The following LRP12 variants were observed in gnomAD, a reference collection of about 807,000 sequenced individuals.
LRP12 encodes low-density lipoprotein receptor-related protein 12.
Under a neutral mutation model 66.0 loss-of-function variants are expected in LRP12, and 14 were observed. The observed-to-expected ratio is 0.21, with a 90% CI of 0.14 to 0.33. LRP12 has a LOEUF of 0.33. Ranked by LOEUF, LRP12 falls within the 10% of genes least tolerant of loss-of-function variation. The pLI, the probability that LRP12 is intolerant of heterozygous loss-of-function variation, is 1.00. For synonymous variants in LRP12, 357 were observed against 359.1 expected (o/e 0.99, Z 0.07); for missense variants, 889 against 1,053.4 (o/e 0.84, Z 2.16).
At chr8:104,576,949 A>G (rs909135168) in intron 1 of LRP12, among the ~76,000 whole-genome samples, 2 of 152,186 alleles carry the variant, frequency 1.3e-5, no homozygotes, top group Non-Finnish European at 2.9e-5. Flanking sequence ...AAGCAATCCT[A>G]GTTTCAGATA....
chr8:104,517,431 C>A (rs902767451), intron 2 of LRP12, among the ~76,000 whole-genome samples: 28 of 151,756 alleles, frequency 1.8e-4, no homozygotes, highest in Admixed American at 1.8e-3. Context: ...AATTTAATGA[C>A]CCAAATTCTA....
chr8:104,510,199 T>C (rs192989740), intron 2 of LRP12, among the ~76,000 whole-genome samples: 8 of 152,342 alleles, frequency 5.3e-5, no homozygotes, highest in African/African-American at 1.9e-4. Flanking sequence ...AGCCTAACAG[T>C]AAGATGCTGG....
chr8:104,582,964 T>C (rs1441434022), intron 1 of LRP12, among the ~76,000 whole-genome samples: 2 of 152,104 alleles, frequency 1.3e-5, no homozygotes, highest in African/African-American at 2.4e-5. Context: ...TAAGTACACT[T>C]GCACCAATAT....
At chr8:104,538,646 G>A (rs1811421978) in intron 1 of LRP12, among the ~76,000 whole-genome samples, 1 of 151,982 alleles carries the variant, frequency 6.6e-6, no homozygotes, top group South Asian at 2.1e-4. Flanking sequence ...ACACATCATG[G>A]GCCTCCTAAT....
intron 1 of LRP12, among the ~76,000 whole-genome samples, chr8:104,545,146 G>A (rs1811535420): frequency 6.6e-6 from 1 of 152,126 alleles, no homozygotes; most frequent in African/African-American, 2.4e-5. Context: ...AGACGTGGTG[G>A]AAATCGCAAC....
At chr8:104,546,417 T>A (rs1811557994) in intron 1 of LRP12, among the ~76,000 whole-genome samples, 1 of 152,136 alleles carries the variant, frequency 6.6e-6, no homozygotes, top group Non-Finnish European at 1.5e-5. Flanking sequence ...CTCCCACACC[T>A]TTAAAGCTGG....
Position 104,497,682 on chromosome 8 carries a change from G to A in LRP12, c.870C>T (p.Asp290=). 1 of 1,614,088 alleles carries A rather than the reference G, an allele frequency of 6.2e-7. No individual in the cohort carries two copies. The highest frequency in any genetic ancestry group is 8.5e-7 in the Non-Finnish European group (1 of 1,179,996). The change falls in exon 5 of 7, where the codon GAC becomes GAT. Residue 290 remains aspartate (D), a synonymous_variant. Coordinates refer to ENST00000276654, the MANE Select transcript of LRP12 (RefSeq NM_013437.5). The surrounding 1 kb of genome is among the most constrained non-coding windows in gnomAD (Gnocchi z 4.3). ...AAATGACTTTACGGTGATCACCAGT[G>A]TCTATTAACCAGGTGCAATTGCTTC... The part of the protein sequence containing the change: ...PPGSNCTWLI[D]TGDHRKVILR...
intron 2 of LRP12, among the ~76,000 whole-genome samples, chr8:104,509,571 T>C (rs573422909): frequency 2.6e-4 from 40 of 152,240 alleles, no homozygotes; most frequent in South Asian, 2.1e-3. Context: ...AGTGCTTGTG[T>C]TCAAGTCACC....
chr8:104,505,837 T>C (rs1355816501), intron 3 of LRP12: 1 of 152,168 alleles, frequency 6.6e-6, no homozygotes, highest in African/African-American at 2.4e-5. Context: ...TCTAACAAAG[T>C]CCAAGTAAGA....
intron 1 of LRP12, among the ~76,000 whole-genome samples, chr8:104,536,860 T>C (rs1230801956): frequency 6.6e-6 from 1 of 151,906 alleles, no homozygotes; most frequent in East Asian, 1.9e-4. Context: ...AGTAAGGTAG[T>C]AGGATATAAA....
intron 1 of LRP12, among the ~76,000 whole-genome samples, chr8:104,555,801 A>T (rs1811798148): frequency 6.6e-6 from 1 of 152,074 alleles, no homozygotes; most frequent in African/African-American, 2.4e-5. Flanking sequence ...CTATACCCTA[A>T]AACAAATGGA....
rs79075971 is a variant in LRP12, at chr8:104,502,420, G to A, written c.273-2901C>T. 6.0e-3 allele frequency among the ~76,000 whole-genome samples: 917 copies of A among 152,214 alleles called. 9 individuals carry two copies. The highest frequency in any genetic ancestry group is 0.012 in the Admixed American group (191 of 15,290). On this transcript the variant is annotated intron_variant, in intron 3 of 6. Transcript: ENST00000276654. The stretch of plus-strand genomic sequence containing the variant: ...CAATTCATGGGTCAGCTAAGGATTC[G>A]AGAATAATTTAAATGCAGTTACTTT...
chr8:104,541,757 A>C (rs113460497), intron 1 of LRP12, among the ~76,000 whole-genome samples: 47 of 152,158 alleles, frequency 3.1e-4, no homozygotes, highest in African/African-American at 1.0e-3. Flanking sequence ...GGAATCATAC[A>C]ATATGTGGTC....
At chr8:104,585,747 T>C (rs1432179811) in intron 1 of LRP12, among the ~76,000 whole-genome samples, 1 of 152,158 alleles carries the variant, frequency 6.6e-6, no homozygotes, top group African/African-American at 2.4e-5. Context: ...CGAAGCAATG[T>C]GTATTTTAAG....
chr8:104,588,964 A>ACGACGACGCCGCCGC lies in LRP12; in HGVS notation c.-68_-67insGCGGCGGCGTCGTCG, dbSNP rs548846399. ...AGGGAGGAGAAGCTGGAGGTAGACG[A>ACGACGACGCCGCCGC]CGCCGACGCCGCCGCCGCCGCCGCC... On this transcript the variant is annotated 5_prime_UTR_variant, in exon 1 of 7. Transcript: ENST00000276654. 4.4e-6 allele frequency: 4 copies of ACGACGACGCCGCCGC among 905,882 alleles called. No individual in the cohort carries two copies. In the African/African-American group the frequency reaches 1.1e-4, roughly 25 times the overall value. The allele number at this position is 905,882 out of a possible 1,614,324, so 56.1% of individuals were successfully genotyped here.
At position 104,574,465 on chromosome 8, in the gene LRP12, T is replaced by A. The variant is rs575998998; in HGVS notation, c.79+14354A>T. On this transcript the variant is annotated intron_variant, in intron 1 of 6. Transcript: ENST00000276654. ...TATTGCTGATGGCCATAGGGTTGTTTCTAGTCTGGGATTATAACCAATAAG... is the reference window on the plus strand; with the variant it reads ...TATTGCTGATGGCCATAGGGTTGTTACTAGTCTGGGATTATAACCAATAAG... Among the ~76,000 whole-genome samples, 5 of 152,336 alleles carry A rather than the reference T, an allele frequency of 3.3e-5. No individual in the cohort carries two copies. The East Asian group carries it at 9.6e-4, about 29-fold the overall frequency.
intron 1 of LRP12, among the ~76,000 whole-genome samples, chr8:104,549,695 C>T (rs1453019001): frequency 6.6e-6 from 1 of 152,196 alleles, no homozygotes; most frequent in African/African-American, 2.4e-5. Flanking sequence ...AGCCCCCGAG[C>T]CCGGCCTCCA....
chr8:104,524,961 G>A (rs1311506076), intron 2 of LRP12, among the ~76,000 whole-genome samples: 1 of 152,044 alleles, frequency 6.6e-6, no homozygotes, highest in East Asian at 1.9e-4. Flanking sequence ...GGGCCTTGTG[G>A]TAAATCAACT....
Position 104,588,987 on chromosome 8 carries a change from G to T in LRP12, c.-90C>A, listed in dbSNP as rs1422862975. ...CGACGCCGACGCCGCCGCCGCCGCC[G>T]CCGCCGCCGCCGAGCCACCGGCTGC... On this transcript the variant is annotated 5_prime_UTR_variant, in exon 1 of 7. Coordinates refer to ENST00000276654, the MANE Select transcript of LRP12 (RefSeq NM_013437.5). The T allele has an allele frequency of 3.3e-5, 28 of 859,728 alleles. No homozygotes were observed. Among genetic ancestry groups the T allele is most frequent in the Non-Finnish European group, 4.9e-5 (28 of 573,746 alleles). The allele number at this position is 859,728 out of a possible 1,614,324, so 53.3% of individuals were successfully genotyped here. A position where few individuals can be genotyped will look rare whatever the true frequency, so the allele number is the denominator to read the frequency against.
Sources: gnomAD v4.1 joint callset for allele counts (sites outside exome capture counted in the v4.1 genomes callset) on GRCh38, gnomAD v4.1.1 for gene constraint, Gnocchi (gnomAD v3.1) non-coding constraint, MANE v1.5 for transcripts, NCBI Gene and HGNC (gene_info 2026-07-23, HGNC 2026-07-21) for gene names.